Variants in KIAA0825 observed in about 807,000 individuals in gnomAD.
KIAA0825 encodes KIAA0825, also known as uncharacterized protein KIAA0825.
A neutral mutation model predicts 147.6 loss-of-function variants in KIAA0825; 119 were observed. The ratio of observed to expected loss-of-function variants is 0.81; its 90% CI spans 0.69 to 0.94. KIAA0825 has a LOEUF of 0.94. Ranked by LOEUF, KIAA0825 falls within the 40% of genes least tolerant of loss-of-function variation. KIAA0825 has a pLI of 0.00. For missense variants in KIAA0825, 1,381 were observed against 1,472.7 expected (o/e 0.94, Z 1.02); for synonymous variants, 470 against 518.1 (o/e 0.91, Z 1.26).
chr5:94,477,269 A>C, intron 6 of KIAA0825, 64 bp from the exon 7 acceptor site: 1 of 1,078,072 alleles, frequency 9.3e-7, no homozygotes, highest in Non-Finnish European at 1.4e-6. Context: ...ACTAGATGTG[A>C]TTTATAAATT....
At chr5:94,429,272 T>C (rs1755321246) in intron 14 of KIAA0825, among the ~76,000 whole-genome samples, 1 of 152,210 alleles carries the variant, frequency 6.6e-6, no homozygotes, top group Non-Finnish European at 1.5e-5. Context: ...GATTTTTCAT[T>C]GTGCCAAAAT....
At chr5:94,234,374 A>AGAAAAT (rs1774918789) in intron 20 of KIAA0825, among the ~76,000 whole-genome samples, 1 of 151,732 alleles carries the variant, frequency 6.6e-6, no homozygotes, top group African/African-American at 2.4e-5. Context: ...CCGTCTCAAA[A>AGAAAAT]AAAAATAAAA....
intron 1 of KIAA0825, among the ~76,000 whole-genome samples, chr5:94,595,383 G>A (rs890748818): frequency 6.6e-6 from 1 of 152,220 alleles, no homozygotes; most frequent in Admixed American, 6.5e-5. Context: ...TGCACCCTCT[G>A]AAGCAACGGC....
chr5:94,483,494 G>A (rs2151039401), intron 6 of KIAA0825, among the ~76,000 whole-genome samples: 1 of 151,900 alleles, frequency 6.6e-6, no homozygotes, highest in Non-Finnish European at 1.5e-5. Context: ...TCAGACCTCT[G>A]TTTGACCTCA....
At chr5:94,187,572 A>C (rs1358981397) in intron 20 of KIAA0825, among the ~76,000 whole-genome samples, 4 of 151,720 alleles carry the variant, frequency 2.6e-5, no homozygotes, top group East Asian at 3.9e-4. Flanking sequence ...GACTACTGGC[A>C]CCCGCCACCA....
chr5:94,184,767 T>C (rs1025155631), intron 20 of KIAA0825, among the ~76,000 whole-genome samples: 2 of 152,176 alleles, frequency 1.3e-5, no homozygotes, highest in Non-Finnish European at 2.9e-5. Context: ...AATGCAAAGA[T>C]CAGAGGAAAC....
chr5:94,298,244 TC>T (rs1778231331), intron 20 of KIAA0825, among the ~76,000 whole-genome samples: 1 of 151,216 alleles, frequency 6.6e-6, no homozygotes, highest in African/African-American at 2.4e-5. Context: ...CAAGACTCCG[TC>T]CCAAAAAAAA....
intron 1 of KIAA0825, among the ~76,000 whole-genome samples, chr5:94,587,395 AAGAAC>A (rs1379544761): frequency 4.6e-5 from 7 of 152,214 alleles, no homozygotes; most frequent in Admixed American, 4.6e-4. Flanking sequence ...CCTATACACC[AAGAAC>A]AGACAAACAG....
At chr5:94,368,356 A>T (rs1420001076) in intron 20 of KIAA0825, among the ~76,000 whole-genome samples, 1 of 152,144 alleles carries the variant, frequency 6.6e-6, no homozygotes, top group African/African-American at 2.4e-5. Context: ...TATTTTTTGT[A>T]GAAATAGGGT....
chr5:94,206,234 C>T (rs1386104134), intron 20 of KIAA0825, among the ~76,000 whole-genome samples: 1 of 152,026 alleles, frequency 6.6e-6, no homozygotes, highest in Non-Finnish European at 1.5e-5. Flanking sequence ...TCCAGTTTCT[C>T]CTTCATTTCT....
chr5:94,427,592 A>G (rs1755057523), intron 14 of KIAA0825, among the ~76,000 whole-genome samples: 2 of 152,192 alleles, frequency 1.3e-5, no homozygotes, highest in African/African-American at 4.8e-5. Flanking sequence ...GAACTTAACT[A>G]CTTTTTATAA....
rs185868855 is a variant in KIAA0825 at position 94,462,814 on chromosome 5, T to C, written c.2064-245A>G. Reference sequence around the variant, plus strand: ...GAGCTCTGTAATAGAGTTTTAGGAGTGCTTTTAAAAACTGTTTCTTTTACA... The same window carrying C: ...GAGCTCTGTAATAGAGTTTTAGGAGCGCTTTTAAAAACTGTTTCTTTTACA... On this transcript the variant is annotated intron_variant, in intron 11 of 20. Transcript: ENST00000682413. 7.2e-5 allele frequency among the ~76,000 whole-genome samples: 11 copies of C among 151,804 alleles called. No individual in the cohort carries two copies. The East Asian group carries it at 2.1e-3, about 29-fold the overall frequency.
intron 2 of KIAA0825, among the ~76,000 whole-genome samples, chr5:94,574,266 C>T (rs1264951515): frequency 6.6e-6 from 1 of 151,940 alleles, no homozygotes; most frequent in Non-Finnish European, 1.5e-5. Context: ...AAAGGATGGC[C>T]GGGCGTGGTG....
chr5:94,408,237 T>C (rs1027508898), intron 15 of KIAA0825, among the ~76,000 whole-genome samples: 2 of 152,160 alleles, frequency 1.3e-5, no homozygotes, highest in Non-Finnish European at 2.9e-5. Context: ...GGAGAGATAA[T>C]TTTGGAGTAT....
chr5:94,229,470 A>C (rs1398515158), intron 20 of KIAA0825, among the ~76,000 whole-genome samples: 1 of 150,678 alleles, frequency 6.6e-6, no homozygotes, highest in Non-Finnish European at 1.5e-5. Context: ...GAACTTGGTA[A>C]ATCCTTTTAA....
chr5:94,477,779 T>C (rs1212603902), intron 6 of KIAA0825, among the ~76,000 whole-genome samples: 1 of 152,086 alleles, frequency 6.6e-6, no homozygotes, highest in African/African-American at 2.4e-5. Context: ...AAAATGGAAA[T>C]ATTTCCACAA....
chr5:94,336,745 A>G (rs1229579483), intron 20 of KIAA0825, among the ~76,000 whole-genome samples: 1 of 152,102 alleles, frequency 6.6e-6, no homozygotes, highest in Non-Finnish European at 1.5e-5. Flanking sequence ...TCTTTATAGG[A>G]GAATGATTTA....
At chr5:94,318,181 G>T (rs1444253031) in intron 20 of KIAA0825, among the ~76,000 whole-genome samples, 1 of 151,614 alleles carries the variant, frequency 6.6e-6, no homozygotes, top group Non-Finnish European at 1.5e-5. Context: ...GTTTATTTCA[G>T]TGTAAAATGT....
chr5:94,519,138 G>A (rs1353076619), intron 5 of KIAA0825: 1 of 790,756 alleles, frequency 1.3e-6, no homozygotes. Context: ...CTTCTGCAAT[G>A]AGATATAGCT....
Sources: gnomAD v4.1 joint callset for allele counts (sites outside exome capture counted in the v4.1 genomes callset) on GRCh38, gnomAD v4.1.1 for gene constraint, MANE v1.5 for transcripts, NCBI Gene and HGNC (gene_info 2026-07-23, HGNC 2026-07-21) for gene names.